PDE6D: variants seen among roughly 807,000 people sequenced by gnomAD.
The protein encoded by PDE6D is retinal rod rhodopsin-sensitive cGMP 3',5'-cyclic phosphodiesterase subunit delta.
Under a neutral mutation model 21.9 loss-of-function variants are expected in PDE6D, and 10 were observed. The observed-to-expected ratio is 0.46, with a 90% confidence interval of 0.28 to 0.78. PDE6D has a LOEUF of 0.78. PDE6D is among the 30% of genes least tolerant of loss of function. The pLI is 0.12. For missense variants in PDE6D, 139 were observed against 184.8 expected (o/e 0.75, Z 1.44); for synonymous variants, 59 against 63.5 (o/e 0.93, Z 0.34).
chr2:231,759,736 G>A (rs116431834), intron 1 of PDE6D, among the ~76,000 whole-genome samples: 18 of 152,166 alleles, frequency 1.2e-4, no homozygotes, highest in East Asian at 9.6e-4. Context: ...TAAGTCTCCC[G>A]TGGCAGTGCT....
Position 231,781,187 on chromosome 2 carries a change from G to C in PDE6D, c.-73C>G, listed in dbSNP as rs1044959559. 4.7e-6 allele frequency: 7 copies of C among 1,475,402 alleles called. No individual in the cohort carries two copies. The highest frequency in any genetic ancestry group is 1.4e-5 in the African/African-American group (1 of 72,080). The allele number at this position is 1,475,402 out of a possible 1,614,324, so 91.4% of individuals were successfully genotyped here. On this transcript the variant is annotated 5_prime_UTR_variant, in exon 1 of 5. Transcript: ENST00000287600. ...CTCGCAGACGGTGCCCAGGAGCCGA[G>C]GATGGAGCCGCAGCCCGGCTTGGAG...
chr2:231,740,306 T>C (rs769272033), intron 1 of PDE6D, among the ~76,000 whole-genome samples: 4 of 152,082 alleles, frequency 2.6e-5, no homozygotes, highest in Non-Finnish European at 5.9e-5. Context: ...TAGAAACACA[T>C]ATATTTTGAT....
At chr2:231,759,479 T>C (rs533326200) in intron 1 of PDE6D, among the ~76,000 whole-genome samples, 2 of 151,880 alleles carry the variant, frequency 1.3e-5, no homozygotes, top group South Asian at 4.2e-4. Context: ...CAAGCAAGCA[T>C]GGGGGAGAAG....
chr2:231,761,454 G>T (rs1264497933), intron 1 of PDE6D, among the ~76,000 whole-genome samples: 1 of 152,232 alleles, frequency 6.6e-6, no homozygotes, highest in Non-Finnish European at 1.5e-5. Context: ...GGGATTACAG[G>T]CGTGAGCCAC....
intron 1 of PDE6D, among the ~76,000 whole-genome samples, chr2:231,762,768 C>T (rs1226454509): frequency 6.6e-6 from 1 of 152,018 alleles, no homozygotes; most frequent in Non-Finnish European, 1.5e-5. Context: ...CCCTATTCAG[C>T]TAATCTTTTG....
chr2:231,772,559 TC>T (rs2049023937), intron 1 of PDE6D, among the ~76,000 whole-genome samples: 1 of 152,162 alleles, frequency 6.6e-6, no homozygotes, highest in South Asian at 2.1e-4. Flanking sequence ...TAAAATTCCT[TC>T]CTATGATGCT....
chr2:231,751,262 TCCTCCCACTTCAG>T, intron 1 of PDE6D, among the ~76,000 whole-genome samples: 1 of 152,290 alleles, frequency 6.6e-6, no homozygotes, highest in African/African-American at 2.4e-5. Context: ...GCTCAATTGA[TCCTCCCACTTCAG>T]CCTCCTGAGT....
intron 3 of PDE6D, 97 bp downstream of exon 3, chr2:231,737,916 G>A: frequency 8.6e-7 from 1 of 1,167,882 alleles, no homozygotes; most frequent in South Asian, 1.5e-5. Context: ...GTTGTAAAAG[G>A]AATGTTATCA....
Position 231,737,246 on chromosome 2 carries a change from G to C in PDE6D, c.312C>G (p.Thr104=). The C allele has an allele frequency of 1.2e-6, 2 of 1,613,250 alleles. No homozygotes were observed. The highest frequency in any genetic ancestry group is 1.7e-6 in the Non-Finnish European group (2 of 1,179,284). Residue 104 remains threonine, a synonymous_variant, in exon 4 of 5, where the codon ACC becomes ACG. Coordinates refer to ENST00000287600, the MANE Select transcript of PDE6D (RefSeq NM_002601.4). ...FGFVIPNSTN[T]WQSLIEAAPE... is the part of the protein sequence containing the mutation. ...GTGCTGCCTCTATCAAGGACTGCCA[G>C]GTATTTGTGGAGTTAGGGATCACAA...
intron 1 of PDE6D, among the ~76,000 whole-genome samples, chr2:231,758,519 C>T (rs930638250): frequency 1.3e-5 from 2 of 152,168 alleles, no homozygotes; most frequent in South Asian, 4.1e-4. Context: ...TCAGCCTTGG[C>T]TGCCTATTAG....
chr2:231,780,232 C>A (rs937246580), intron 1 of PDE6D, among the ~76,000 whole-genome samples: 2 of 152,154 alleles, frequency 1.3e-5, no homozygotes, highest in Admixed American at 6.5e-5. Context: ...GTGGCCCCAG[C>A]GACATCACAC....
intron 4 of PDE6D, among the ~76,000 whole-genome samples, chr2:231,734,809 T>C (rs1482400663): frequency 7.0e-6 from 1 of 142,152 alleles, no homozygotes; most frequent in Non-Finnish European, 1.5e-5. Flanking sequence ...ATCATGCTAC[T>C]GCACTCCAGC....
rs74910128 is a variant in PDE6D at position 231,762,692 on chromosome 2, G to A, written c.50+18373C>T. The stretch of plus-strand genomic sequence containing the variant: ...GAAGACTTGTAGTGCTGTAAGCAAC[G>A]CAAAATTATCTTAATGGACGTAGAA... On this transcript the variant is annotated intron_variant, in intron 1 of 4. Coordinates refer to ENST00000287600, the MANE Select transcript of PDE6D (RefSeq NM_002601.4). Among the ~76,000 whole-genome samples the A allele has an allele frequency of 5.5e-3, 835 of 152,156 alleles. 6 individuals carry two copies. Among genetic ancestry groups the A allele is most frequent in the South Asian group, 0.017 (82 of 4,830 alleles).
At chr2:231,736,817 C>A (rs564542932) in intron 4 of PDE6D, among the ~76,000 whole-genome samples, 3 of 152,288 alleles carry the variant, frequency 2.0e-5, no homozygotes, top group African/African-American at 7.2e-5. Flanking sequence ...CATGTCATCA[C>A]ATTTTATCTT....
intron 1 of PDE6D, among the ~76,000 whole-genome samples, chr2:231,758,456 T>C (rs555463656): frequency 6.6e-6 from 1 of 152,230 alleles, no homozygotes; most frequent in South Asian, 2.1e-4. Flanking sequence ...TATATATACC[T>C]TGTGTTCTAA....
At chr2:231,768,781 C>A (rs1003470613) in intron 1 of PDE6D, 2 of 152,198 alleles carry the variant, frequency 1.3e-5, no homozygotes, top group Non-Finnish European at 1.5e-5. Flanking sequence ...TGATACTACT[C>A]GGCATGTAAC....
intron 1 of PDE6D, among the ~76,000 whole-genome samples, chr2:231,780,760 C>T (rs1406371427): frequency 6.6e-6 from 1 of 152,090 alleles, no homozygotes; most frequent in East Asian, 1.9e-4. Context: ...CGGAACCCAG[C>T]CGGCTTCTCC....
intron 2 of PDE6D, 101 bp from the exon 3 acceptor site, chr2:231,738,239 A>G (rs997811040): frequency 1.9e-6 from 2 of 1,078,534 alleles, no homozygotes; most frequent in African/African-American, 3.2e-5. Context: ...TTTAGAGAAC[A>G]CTTTCTTACA....
chr2:231,753,873 A>G (rs898348746), intron 1 of PDE6D, among the ~76,000 whole-genome samples: 1 of 152,176 alleles, frequency 6.6e-6, no homozygotes, highest in Non-Finnish European at 1.5e-5. Context: ...TTGTGGCTCA[A>G]AGATCTCTCT....
Sources: allele counts gnomAD v4.1 joint callset (sites outside exome capture counted in the v4.1 genomes callset), GRCh38; gene constraint gnomAD v4.1.1; transcripts MANE v1.5; gene names NCBI Gene and HGNC (gene_info 2026-07-23, HGNC 2026-07-21).